NCDN: variants seen among roughly 807,000 people sequenced by gnomAD.
NCDN encodes norbin.
In NCDN, 9 loss-of-function variants were observed where a neutral mutation model predicts 60.7. The observed-to-expected ratio is 0.15, with a 90% confidence interval of 0.09 to 0.26. NCDN has a LOEUF of 0.26. Ranked by LOEUF, NCDN falls within the 10% of genes least tolerant of loss-of-function variation. The pLI, the probability that NCDN is intolerant of heterozygous loss-of-function variation, is 1.00. For synonymous variants in NCDN, 409 were observed against 442.5 expected (o/e 0.92, Z 0.95); for missense variants, 578 against 975.2 (o/e 0.59, Z 5.42).
chr1:35,559,029 T>G, intron 1 of NCDN, 78 bp from the exon 2 acceptor site: 10 of 531,160 alleles, frequency 1.9e-5, no homozygotes, highest in Non-Finnish European at 2.5e-5. Flanking sequence ...CCTCCCTCCC[T>G]CCATCCTCCA....
In NCDN at chr1:35,563,157, C is replaced by A; in HGVS notation, c.1386-45C>A. ...CCTAAAAAGGGAATCTATGTGCCTT[C>A]ATCTCTCCCAATCCCACACACGTCT... On this transcript the variant is annotated intron_variant, in intron 4 of 6. Transcript: ENST00000373243. This position sits in a 1 kb window ranked among gnomAD's most constrained non-coding sequence, Gnocchi z 6.6. 1 of 1,543,294 alleles carries A rather than the reference C, an allele frequency of 6.5e-7. No individual in the cohort carries two copies. Among genetic ancestry groups the A allele is most frequent in the Non-Finnish European group, 8.8e-7 (1 of 1,134,632 alleles).
At position 35,562,572 on chromosome 1, in the gene NCDN, G is replaced by A. The variant is rs1454208959; in HGVS notation, c.1324G>A (p.Val442Met). ...AEEANDLSQQ[V>M]ANLAISPTTP... ...GGAGGCCAATGACCTTTCCCAGCAG[G>A]TGGCCAACCTGGCCATCTCCCCCAC... Residue 442 changes from valine to methionine, a missense_variant, in exon 4 of 7, where the codon GTG (valine) becomes ATG (methionine). Physicochemically the swap from Val to Met is conservative, Grantham distance 21. Around this residue, in one of 3 missense-constraint regions of NCDN, gnomAD observed 24 missense variants for 19.5 expected, o/e 1.23. Coordinates refer to ENST00000373243, the MANE Select transcript of NCDN (RefSeq NM_014284.3). This position sits in a 1 kb window ranked among gnomAD's most constrained non-coding sequence, Gnocchi z 6.8. 2 of 1,614,032 alleles carry A rather than the reference G, an allele frequency of 1.2e-6. No homozygotes were observed. The highest frequency in any genetic ancestry group is 1.7e-6 in the Non-Finnish European group (2 of 1,179,982).
chr1:35,563,785 A>G lies in NCDN; in HGVS notation c.1629A>G (p.Thr543=), dbSNP rs1335659242. The G allele has an allele frequency of 5.0e-6, 8 of 1,612,724 alleles. No homozygotes were observed. The highest frequency in any genetic ancestry group is 5.9e-6 in the Non-Finnish European group (7 of 1,179,744). Residue 543 remains threonine (T), a synonymous_variant, in exon 6 of 7, where the codon ACA becomes ACG. Coordinates refer to ENST00000373243, the MANE Select transcript of NCDN (RefSeq NM_014284.3). The surrounding 1 kb of genome is among the most constrained non-coding windows in gnomAD (Gnocchi z 6.6). ...PGLIKRDACF[T]SLMNTLMTSL... ...TTTCCAGGCGTGACGCCTGCTTCACATCTCTAATGAACACCCTCATGACGT... is the reference window on the plus strand; with the variant it reads ...TTTCCAGGCGTGACGCCTGCTTCACGTCTCTAATGAACACCCTCATGACGT...
In NCDN at chr1:35,563,753, CCT is replaced by C; in HGVS notation, c.1611-13_1611-12del. The C allele has an allele frequency of 6.2e-7, 1 of 1,613,506 alleles. No individual in the cohort carries two copies. Among genetic ancestry groups the C allele is most frequent in the Non-Finnish European group, 8.5e-7 (1 of 1,179,654 alleles). On this transcript the variant is annotated splice_polypyrimidine_tract_variant and intron_variant, in intron 5 of 6. Coordinates refer to ENST00000373243, the MANE Select transcript of NCDN (RefSeq NM_014284.3). This position sits in a 1 kb window ranked among gnomAD's most constrained non-coding sequence, Gnocchi z 6.6. ...CCCCCACCTACCTCCATCCTTCCCC[CCT>C]TTCTTTTCCAGGCGTGACGCCTGCT...
Position 35,558,829 on chromosome 1 carries a change from A to T in NCDN, c.34-278A>T. 1 of 740,794 alleles carries T rather than the reference A, an allele frequency of 1.3e-6. No homozygotes were observed. The highest frequency in any genetic ancestry group is 1.9e-6 in the Non-Finnish European group (1 of 514,748). The allele number at this position is 740,794 out of a possible 1,614,324, so 45.9% of individuals were successfully genotyped here. A position where few individuals can be genotyped will look rare whatever the true frequency, so the allele number is the denominator to read the frequency against. ...GCCCACCCCCAGGAGACTGGTGAGG[A>T]GAGCTGTCCGGCTGAGCAGCAGCAT... On this transcript the variant is annotated intron_variant, in intron 1 of 6. Transcript: ENST00000373243. The surrounding 1 kb of genome is among the most constrained non-coding windows in gnomAD (Gnocchi z 6.3).
Position 35,563,084 on chromosome 1 carries a change from C to T in NCDN, c.1386-118C>T. 5.2e-6 allele frequency: 5 copies of T among 960,058 alleles called. No homozygotes were observed. The highest frequency in any genetic ancestry group is 7.5e-6 in the Non-Finnish European group (5 of 662,276). 59.5% of individuals were successfully genotyped at this position (960,058 alleles called of 1,614,324 possible). On this transcript the variant is annotated intron_variant, in intron 4 of 6. Transcript: ENST00000373243. This position sits in a 1 kb window ranked among gnomAD's most constrained non-coding sequence, Gnocchi z 6.6. Reference sequence around the variant, plus strand: ...GCTTGTACTTTTTCTGTGGTACCTGCGAGGATGTGTCCTTCTCCCCTACTT... The same window carrying T: ...GCTTGTACTTTTTCTGTGGTACCTGTGAGGATGTGTCCTTCTCCCCTACTT...
rs1648663450 is a variant in NCDN at position 35,560,587 on chromosome 1, G to A, written c.436G>A (p.Ala146Thr). ...FLTARGDPDD[A>T]ARRSMIDDTY... ...CACAGCCCGGGGGGACCCGGACGATGCTGCCCGCCGCTCCATGATTGATGA... is the reference window on the plus strand; with the variant it reads ...CACAGCCCGGGGGGACCCGGACGATACTGCCCGCCGCTCCATGATTGATGA... Residue 146 changes from alanine (A) to threonine (T), a missense_variant, in exon 3 of 7, where the codon GCT (alanine) becomes ACT (threonine). Physicochemically the swap from Ala to Thr is moderately conservative, Grantham distance 58. Coordinates refer to ENST00000373243, the MANE Select transcript of NCDN (RefSeq NM_014284.3). The surrounding 1 kb of genome is among the most constrained non-coding windows in gnomAD (Gnocchi z 7.6). The A allele has an allele frequency of 6.2e-7, 1 of 1,613,128 alleles. No individual in the cohort carries two copies. The highest frequency in any genetic ancestry group is 1.7e-5 in the Admixed American group (1 of 60,014).
Position 35,560,218 on chromosome 1 carries a change from C to A in NCDN, c.175-108C>A. The A allele has an allele frequency of 7.2e-7, 1 of 1,394,742 alleles. No individual in the cohort carries two copies. Among genetic ancestry groups the A allele is most frequent in the Non-Finnish European group, 9.8e-7 (1 of 1,025,292 alleles). The allele number at this position is 1,394,742 out of a possible 1,614,324, so 86.4% of individuals were successfully genotyped here. On this transcript the variant is annotated intron_variant, in intron 2 of 6. Coordinates refer to ENST00000373243, the MANE Select transcript of NCDN (RefSeq NM_014284.3). This position sits in a 1 kb window ranked among gnomAD's most constrained non-coding sequence, Gnocchi z 7.6. ...TGGATGAAATGACCTCAGATGAGTC[C>A]TGTTGCATAACCTCATCTTGCTAGT...
Position 35,560,565 on chromosome 1 carries a change from A to G in NCDN, c.414A>G (p.Thr138=), listed in dbSNP as rs775353619. Residue 138 remains threonine (T), a synonymous_variant, in exon 3 of 7, where the codon ACA becomes ACG. Coordinates refer to ENST00000373243, the MANE Select transcript of NCDN (RefSeq NM_014284.3). This position sits in a 1 kb window ranked among gnomAD's most constrained non-coding sequence, Gnocchi z 7.6. ...NKIPILSTFL[T]ARGDPDDAAR... is the part of the protein sequence containing the mutation. ...TTCCCATTCTTAGCACCTTCCTCAC[A>G]GCCCGGGGGGACCCGGACGATGCTG... is the stretch of plus-strand genomic sequence containing the variant. 1 of 1,613,554 alleles carries G rather than the reference A, an allele frequency of 6.2e-7. No homozygotes were observed.
chr1:35,566,537 G>A lies in NCDN; in HGVS notation c.*874G>A, dbSNP rs1416150175. 3.2e-6 allele frequency: 1 copy of A among 316,034 alleles called. No homozygotes were observed. Among genetic ancestry groups the A allele is most frequent in the African/African-American group, 2.2e-5 (1 of 45,652 alleles). The allele number at this position is 316,034 out of a possible 1,614,324, so 19.6% of individuals were successfully genotyped here. On this transcript the variant is annotated 3_prime_UTR_variant, in exon 7 of 7. Coordinates refer to ENST00000373243, the MANE Select transcript of NCDN (RefSeq NM_014284.3). The surrounding 1 kb of genome is among the most constrained non-coding windows in gnomAD (Gnocchi z 5.3). ...ACACTCCACTGCCACCGTGGTGCCT[G>A]GCTTTAACTCCCACCCCTGCTATGA...
At position 35,560,853 on chromosome 1, in the gene NCDN, T is replaced by C. The variant is rs1354702314; in HGVS notation, c.702T>C (p.Asp234=). Residue 234 remains aspartate (D), a synonymous_variant, in exon 3 of 7, where the codon GAT becomes GAC. Coordinates refer to ENST00000373243, the MANE Select transcript of NCDN (RefSeq NM_014284.3). This position sits in a 1 kb window ranked among gnomAD's most constrained non-coding sequence, Gnocchi z 7.6. The part of the protein sequence containing the change: ...GLSEDFQKAE[D]ASKFELCQLL... ...GTGAGGATTTCCAGAAAGCTGAGGATGCCAGCAAGTTTGAGCTCTGCCAGC... is the reference window on the plus strand; with the variant it reads ...GTGAGGATTTCCAGAAAGCTGAGGACGCCAGCAAGTTTGAGCTCTGCCAGC... 4.3e-6 allele frequency: 7 copies of C among 1,614,074 alleles called. No individual in the cohort carries two copies. The highest frequency in any genetic ancestry group is 5.9e-6 in the Non-Finnish European group (7 of 1,180,030).
Position 35,558,820 on chromosome 1 carries a change from C to A in NCDN, c.34-287C>A. ...CCAGCTCCCGCCCACCCCCAGGAGA[C>A]TGGTGAGGAGAGCTGTCCGGCTGAG... On this transcript the variant is annotated intron_variant, in intron 1 of 6. Transcript: ENST00000373243. The surrounding 1 kb of genome is among the most constrained non-coding windows in gnomAD (Gnocchi z 6.3). 1 of 778,820 alleles carries A rather than the reference C, an allele frequency of 1.3e-6. No individual in the cohort carries two copies. Among genetic ancestry groups the A allele is most frequent in the Non-Finnish European group, 1.8e-6 (1 of 553,416 alleles). The allele number at this position is 778,820 out of a possible 1,614,324, so 48.2% of individuals were successfully genotyped here.
Position 35,561,712 on chromosome 1 carries a change from A to G in NCDN, c.1143+418A>G, listed in dbSNP as rs533630114. On this transcript the variant is annotated intron_variant, in intron 3 of 6. Transcript: ENST00000373243. The surrounding 1 kb of genome is among the most constrained non-coding windows in gnomAD (Gnocchi z 4.9). Reference sequence around the variant, plus strand: ...TTCTAATGGTGCAGGGAAGAGAAGCAGGGCTGCCTGGTTCCTGGCCTCTAT... The same window carrying G: ...TTCTAATGGTGCAGGGAAGAGAAGCGGGGCTGCCTGGTTCCTGGCCTCTAT... Among the ~76,000 whole-genome samples the G allele has an allele frequency of 1.6e-4, 24 of 152,278 alleles. No individual in the cohort carries two copies. Among genetic ancestry groups the G allele is most frequent in the African/African-American group, 5.1e-4 (21 of 41,550 alleles).
In NCDN at chr1:35,562,874, G is replaced by A. The variant is rs915361509; in HGVS notation, c.1385+241G>A. ...CTTATACTTATTGAGCACCTACTAC[G>A]AGCCAGGTATTTTGCTATACCCTTT... On this transcript the variant is annotated intron_variant, in intron 4 of 6. Transcript: ENST00000373243. This position sits in a 1 kb window ranked among gnomAD's most constrained non-coding sequence, Gnocchi z 6.8. Among the ~76,000 whole-genome samples the A allele has an allele frequency of 3.3e-5, 5 of 152,142 alleles. No individual in the cohort carries two copies. The highest frequency in any genetic ancestry group is 3.2e-3 in the Middle Eastern group (1 of 316).
rs934452970 is a variant in NCDN, at chr1:35,566,681, T to C, written c.*1018T>C. On this transcript the variant is annotated 3_prime_UTR_variant, in exon 7 of 7. Transcript: ENST00000373243. This position sits in a 1 kb window ranked among gnomAD's most constrained non-coding sequence, Gnocchi z 5.3. Reference sequence around the variant, plus strand: ...CACACACACACACACACACACACACTCTTGATCCCTTGCTTCCCTCCCCCA... The same window carrying C: ...CACACACACACACACACACACACACCCTTGATCCCTTGCTTCCCTCCCCCA... 1 of 386,404 alleles carries C rather than the reference T, an allele frequency of 2.6e-6. No homozygotes were observed. The highest frequency in any genetic ancestry group is 2.3e-5 in the African/African-American group (1 of 43,334). 23.9% of individuals were successfully genotyped at this position (386,404 alleles called of 1,614,324 possible). A position where few individuals can be genotyped will look rare whatever the true frequency, so the allele number is the denominator to read the frequency against.
At position 35,562,649 on chromosome 1, in the gene NCDN, C is replaced by G. The variant is rs781039499; in HGVS notation, c.1385+16C>G. The G allele has an allele frequency of 6.2e-7, 1 of 1,606,180 alleles. No homozygotes were observed. The highest frequency in any genetic ancestry group is 1.7e-4 in the Middle Eastern group (1 of 6,020). On this transcript the variant is annotated intron_variant, in intron 4 of 6. Coordinates refer to ENST00000373243, the MANE Select transcript of NCDN (RefSeq NM_014284.3). This position sits in a 1 kb window ranked among gnomAD's most constrained non-coding sequence, Gnocchi z 6.8. ...ACGCTCTCCGGTGAGTCTGTAGTTACAGTCTGTCCAGCTAGATCATTCTAC... is the reference window on the plus strand; with the variant it reads ...ACGCTCTCCGGTGAGTCTGTAGTTAGAGTCTGTCCAGCTAGATCATTCTAC...
chr1:35,561,501 A>G lies in NCDN; in HGVS notation c.1143+207A>G, dbSNP rs1447834628. On this transcript the variant is annotated intron_variant, in intron 3 of 6. Coordinates refer to ENST00000373243, the MANE Select transcript of NCDN (RefSeq NM_014284.3). This position sits in a 1 kb window ranked among gnomAD's most constrained non-coding sequence, Gnocchi z 4.9. ...ACACAAGCACCATACCACACACCATATGTGCACTCACATCACAGTACACAC... is the reference window on the plus strand; with the variant it reads ...ACACAAGCACCATACCACACACCATGTGTGCACTCACATCACAGTACACAC... Among the ~76,000 whole-genome samples, 1 of 152,010 alleles carries G rather than the reference A, an allele frequency of 6.6e-6. No homozygotes were observed. Among genetic ancestry groups the G allele is most frequent in the East Asian group, 1.9e-4 (1 of 5,176 alleles).
Position 35,558,723 on chromosome 1 carries a change from A to T in NCDN, c.34-384A>T, listed in dbSNP as rs1571081277. The T allele has an allele frequency of 8.8e-7, 1 of 1,137,278 alleles. No homozygotes were observed. Among genetic ancestry groups the T allele is most frequent in the Non-Finnish European group, 1.1e-6 (1 of 920,842 alleles). The allele number at this position is 1,137,278 out of a possible 1,614,324, so 70.4% of individuals were successfully genotyped here. A position where few individuals can be genotyped will look rare whatever the true frequency, so the allele number is the denominator to read the frequency against. Reference sequence around the variant, plus strand: ...TTCTCCCTGTCTGTCCTCACCACTCACTCCCTCTGTGTCCCTGTGGAGGGA... The same window carrying T: ...TTCTCCCTGTCTGTCCTCACCACTCTCTCCCTCTGTGTCCCTGTGGAGGGA... On this transcript the variant is annotated intron_variant, in intron 1 of 6. Transcript: ENST00000373243. The surrounding 1 kb of genome is among the most constrained non-coding windows in gnomAD (Gnocchi z 6.3).
Position 35,562,593 on chromosome 1 carries a change from C to T in NCDN, c.1345C>T (p.Pro449Ser). The change falls in exon 4 of 7, where the codon CCC (proline) becomes TCC (serine). Residue 449 changes from proline (P) to serine (S), a missense_variant. Pro to Ser is a moderately conservative substitution (Grantham distance 74, BLOSUM62 -1). This residue lies in a region of NCDN where 24 missense variants were observed against 19.5 expected (regional missense o/e 1.23). Transcript: ENST00000373243. This position sits in a 1 kb window ranked among gnomAD's most constrained non-coding sequence, Gnocchi z 6.8. ...SQQVANLAIS[P>S]TTPGPTWPGD... ...GCAGGTGGCCAACCTGGCCATCTCC[C>T]CCACCACCCCAGGGCCCACCTGGCC... The T allele has an allele frequency of 6.2e-7, 1 of 1,614,000 alleles. No individual in the cohort carries two copies. The highest frequency in any genetic ancestry group is 8.5e-7 in the Non-Finnish European group (1 of 1,179,942).
Sources: allele counts gnomAD v4.1 joint callset (sites outside exome capture counted in the v4.1 genomes callset), GRCh38; gene constraint gnomAD v4.1.1; regional missense constraint gnomAD v4.1.1; non-coding constraint Gnocchi (gnomAD v3.1); transcripts MANE v1.5; gene names NCBI Gene and HGNC (gene_info 2026-07-23, HGNC 2026-07-21).